DTNA: variants seen among roughly 807,000 people sequenced by gnomAD.
The protein encoded by DTNA is dystrophin-related protein 3.
A neutral mutation model predicts 100.7 loss-of-function variants in DTNA; 43 were observed. That is an observed-to-expected ratio of 0.43 (90% CI 0.33 to 0.55). DTNA has a LOEUF of 0.55. Ranked by LOEUF, DTNA falls within the 20% of genes least tolerant of loss-of-function variation. The pLI is 0.04. For synonymous variants in DTNA, 349 were observed against 347.9 expected, an observed-to-expected ratio of 1.00 and a Z score of -0.04; for missense variants, 798 against 953.9, an observed-to-expected ratio of 0.84 and a Z score of 2.15.
At chr18:34,638,924 C>A (rs1419357178) in intron 1 of DTNA, among the ~76,000 whole-genome samples, 1 of 152,138 alleles carries the variant, frequency 6.6e-6, no homozygotes, top group Non-Finnish European at 1.5e-5. Context: ...TCACTGCAAC[C>A]TTCACCTCCC....
At chr18:34,836,826 A>C (rs2096159521) in intron 11 of DTNA, among the ~76,000 whole-genome samples, 1 of 152,030 alleles carries the variant, frequency 6.6e-6, no homozygotes, top group African/African-American at 2.4e-5. Context: ...TTTAATATTA[A>C]ATTTATCAGA....
intron 3 of DTNA, among the ~76,000 whole-genome samples, chr18:34,787,434 T>A (rs1050936047): frequency 6.6e-6 from 1 of 152,206 alleles, no homozygotes; most frequent in Non-Finnish European, 1.5e-5. Context: ...CCTCAGGGAT[T>A]CAAGAAAGGC....
At chr18:34,805,634 A>G (rs1193121617) in intron 4 of DTNA, among the ~76,000 whole-genome samples, 7 of 152,136 alleles carry the variant, frequency 4.6e-5, no homozygotes, top group Admixed American at 3.3e-4. Flanking sequence ...CAGAGCTTTT[A>G]CTTTTGCCCC....
intron 3 of DTNA, among the ~76,000 whole-genome samples, chr18:34,775,523 G>C (rs1004897937): frequency 6.6e-6 from 1 of 152,110 alleles, no homozygotes; most frequent in Non-Finnish European, 1.5e-5. Flanking sequence ...AATAAAAGCA[G>C]AGAGTTTTAT....
At chr18:34,756,914 G>T (rs1451475677) in intron 2 of DTNA, among the ~76,000 whole-genome samples, 1 of 152,144 alleles carries the variant, frequency 6.6e-6, no homozygotes, top group Non-Finnish European at 1.5e-5. Flanking sequence ...AGAGTGAGTG[G>T]TAAGCCTTTT....
chr18:34,759,276 A>G (rs2092983281), intron 2 of DTNA, among the ~76,000 whole-genome samples: 1 of 152,230 alleles, frequency 6.6e-6, no homozygotes, highest in Admixed American at 6.5e-5. Flanking sequence ...ACTGTCTTTT[A>G]ACAGAATAAA....
chr18:34,676,691 T>G (rs2145312064), intron 1 of DTNA, among the ~76,000 whole-genome samples: 2 of 152,062 alleles, frequency 1.3e-5, no homozygotes, highest in Middle Eastern at 3.4e-3. Context: ...AAAAATTAGC[T>G]GAGCGTGGTG....
At chr18:34,620,657 C>A (rs947022691) in intron 1 of DTNA, among the ~76,000 whole-genome samples, 3 of 152,254 alleles carry the variant, frequency 2.0e-5, no homozygotes, top group Non-Finnish European at 2.9e-5. Flanking sequence ...GCAGGCACAT[C>A]TCACATGCCC....
At chr18:34,812,279 C>T (rs1257534862) in intron 6 of DTNA, among the ~76,000 whole-genome samples, 166 bp downstream of exon 6, 1 of 152,090 alleles carries the variant, frequency 6.6e-6, no homozygotes, top group African/African-American at 2.4e-5. Context: ...GTAACTAAAC[C>T]CAGCACATCT....
intron 21 of DTNA, among the ~76,000 whole-genome samples, chr18:34,882,858 A>C (rs1266245483): frequency 6.6e-6 from 1 of 152,224 alleles, no homozygotes; most frequent in Non-Finnish European, 1.5e-5. Context: ...GAATAAGCAT[A>C]AACCCACCAC....
At chr18:34,579,575 T>G (rs1374869201) in intron 1 of DTNA, among the ~76,000 whole-genome samples, 1 of 152,224 alleles carries the variant, frequency 6.6e-6, no homozygotes, top group African/African-American at 2.4e-5. Flanking sequence ...AAGAGTTGCT[T>G]TCCTTCAATA....
chr18:34,644,155 C>T (rs1220699074), intron 1 of DTNA, among the ~76,000 whole-genome samples: 7 of 152,078 alleles, frequency 4.6e-5, no homozygotes, highest in Non-Finnish European at 8.8e-5. Context: ...CACTTATATC[C>T]TTTTATTGTC....
chr18:34,624,155 A>G (rs1178771333), intron 1 of DTNA, among the ~76,000 whole-genome samples: 1 of 152,216 alleles, frequency 6.6e-6, no homozygotes, highest in Non-Finnish European at 1.5e-5. Flanking sequence ...CAAAAAAAAT[A>G]CAAGGTAGTC....
In DTNA at chr18:34,710,393, T is replaced by G. The variant is rs1407721786; in HGVS notation, c.-54T>G. 1 of 152,194 alleles carries G rather than the reference T, an allele frequency of 6.6e-6. No homozygotes were observed. Among genetic ancestry groups the G allele is most frequent in the Non-Finnish European group, 1.5e-5 (1 of 68,048 alleles). The allele number at this position is 152,194 out of a possible 1,614,324, so 9.4% of individuals were successfully genotyped here. A position where few individuals can be genotyped will look rare whatever the true frequency, so the allele number is the denominator to read the frequency against. On this transcript the variant is annotated 5_prime_UTR_variant, in exon 1 of 23. Transcript: ENST00000444659. ...ATACTATAGTTTTCAGCATATGTAGTACTTCAGAGGAAGAATTAAGGGGCA... is the reference window on the plus strand; with the variant it reads ...ATACTATAGTTTTCAGCATATGTAGGACTTCAGAGGAAGAATTAAGGGGCA...
chr18:34,867,230 G>A (rs1345738986), intron 17 of DTNA: 1 of 1,231,224 alleles, frequency 8.1e-7, no homozygotes, highest in African/African-American at 1.6e-5. Context: ...AACAAAGAAT[G>A]TTTGGAAAAT....
Position 34,657,001 on chromosome 18 carries a change from C to T in DTNA, c.-1-98975C>T, listed in dbSNP as rs764429608. 3.3e-5 allele frequency among the ~76,000 whole-genome samples: 5 copies of T among 152,094 alleles called. No homozygotes were observed. In the East Asian group the frequency reaches 5.8e-4, roughly 18 times the overall value. On this transcript the variant is annotated intron_variant, in intron 1 of 19. Transcript: ENST00000283365. ...AAGCAATTCTCATGCCTCAGCCTTC[C>T]GAGTACCTGGGACTACAGGTGTGCA...
chr18:34,771,528 C>T (rs2093772976), intron 3 of DTNA, among the ~76,000 whole-genome samples: 1 of 152,062 alleles, frequency 6.6e-6, no homozygotes, highest in Non-Finnish European at 1.5e-5. Context: ...GTAAAAAACC[C>T]ATCTTCTTTT....
chr18:34,679,789 T>A (rs1158620799), intron 1 of DTNA, among the ~76,000 whole-genome samples: 1 of 152,118 alleles, frequency 6.6e-6, no homozygotes, highest in Non-Finnish European at 1.5e-5. Context: ...AGACTTACCG[T>A]CTTTTTGTTT....
At chr18:34,619,656 T>C (rs1173039311) in intron 1 of DTNA, among the ~76,000 whole-genome samples, 2 of 152,182 alleles carry the variant, frequency 1.3e-5, no homozygotes, top group African/African-American at 4.8e-5. Context: ...TGATAGAGGA[T>C]GTGGGAAAAG....
Sources: gnomAD v4.1 joint callset for allele counts (sites outside exome capture counted in the v4.1 genomes callset) on GRCh38, gnomAD v4.1.1 for gene constraint, MANE v1.5 for transcripts, NCBI Gene and HGNC (gene_info 2026-07-23, HGNC 2026-07-21) for gene names.